The following ZNF529 variants were observed in gnomAD, a reference collection of about 807,000 sequenced individuals.
ZNF529 encodes the protein zinc finger protein 529.
In ZNF529, 11 loss-of-function variants were observed where a neutral mutation model predicts 10.1. That is an observed-to-expected ratio of 1.09 (90% CI 0.69 to 1.81). The LOEUF (loss-of-function observed/expected upper bound fraction) is 1.81, where lower values mean the gene tolerates loss of function less well. Among genes scored for constraint, ZNF529 ranks in the 40% most tolerant of loss-of-function variants. ZNF529 has a pLI of 0.00. For synonymous variants in ZNF529, 204 were observed against 215.7 expected, an observed-to-expected ratio of 0.95 and a Z score of 0.47; for missense variants, 624 against 666.8, an observed-to-expected ratio of 0.94 and a Z score of 0.71.
At chr19:36,564,485 A>G (rs539348429) in intron 2 of ZNF529, among the ~76,000 whole-genome samples, 1 of 152,338 alleles carries the variant, frequency 6.6e-6, no homozygotes, top group South Asian at 2.1e-4. Context: ...CAACAAACAT[A>G]CTTTTTTAAA....
rs140588785 is a variant in ZNF529 at position 36,544,249 on chromosome 19, C to T, written c.*2617G>A. 144 of 152,034 alleles carry T rather than the reference C, an allele frequency of 9.5e-4. No individual in the cohort carries two copies. Among genetic ancestry groups the T allele is most frequent in the African/African-American group, 3.3e-3 (138 of 41,468 alleles). 9.4% of individuals were successfully genotyped at this position (152,034 alleles called of 1,614,324 possible). ...AGTGTGAAATGCCATAAGTTCATTACGAAGTTAAGTGAAAAATGTTAATAT... is the reference window on the plus strand; with the variant it reads ...AGTGTGAAATGCCATAAGTTCATTATGAAGTTAAGTGAAAAATGTTAATAT... On this transcript the variant is annotated 3_prime_UTR_variant, in exon 5 of 5. Coordinates refer to ENST00000591340, the MANE Select transcript of ZNF529 (RefSeq NM_020951.5).
In ZNF529 at chr19:36,544,696, T is replaced by C. The variant is rs1180697941; in HGVS notation, c.*2170A>G. On this transcript the variant is annotated 3_prime_UTR_variant, in exon 5 of 5. Transcript: ENST00000591340. The stretch of plus-strand genomic sequence containing the variant: ...AAGGTTAACATACTCTTGTTCTTAC[T>C]GTGTAGGACATGAAACAACAACCAA... The C allele has an allele frequency of 6.6e-6, 1 of 152,222 alleles. No homozygotes were observed. The highest frequency in any genetic ancestry group is 1.5e-5 in the Non-Finnish European group (1 of 68,036). The allele number at this position is 152,222 out of a possible 1,614,324, so 9.4% of individuals were successfully genotyped here. A position where few individuals can be genotyped will look rare whatever the true frequency, so the allele number is the denominator to read the frequency against.
chr19:36,572,522 T>G, intron 1 of ZNF529, 130 bp from the exon 2 acceptor site: 1 of 681,430 alleles, frequency 1.5e-6, no homozygotes, highest in South Asian at 2.0e-5. Flanking sequence ...ACTAGAATAC[T>G]GTCGACTCCT....
In ZNF529 at chr19:36,555,459, A is replaced by G. The variant is rs1293850570; in HGVS notation, c.108+645T>C. Among the ~76,000 whole-genome samples, 2 of 82,138 alleles carry G rather than the reference A, an allele frequency of 2.4e-5. 1 individual carries two copies. Among genetic ancestry groups the G allele is most frequent in the East Asian group, 5.5e-4 (2 of 3,626 alleles). 53.9% of individuals were successfully genotyped at this position (82,138 alleles called of 152,430 possible). On this transcript the variant is annotated intron_variant, in intron 3 of 4. Transcript: ENST00000591340. ...CAGGCGCCCGCCACCGCGCCCGGCT[A>G]ATTTTTTGTATTTTTTTTAGTAGAG...
intron 2 of ZNF529, among the ~76,000 whole-genome samples, chr19:36,564,512 TC>T (rs1455681328): frequency 6.6e-6 from 1 of 152,156 alleles, no homozygotes; most frequent in Non-Finnish European, 1.5e-5. Context: ...ACACCACTAA[TC>T]ATCAGAGAAA....
At chr19:36,552,556 G>A (rs1173991877) in intron 4 of ZNF529, among the ~76,000 whole-genome samples, 2 of 152,184 alleles carry the variant, frequency 1.3e-5, no homozygotes, top group Non-Finnish European at 2.9e-5. Context: ...TAGGCTTTGT[G>A]CTTTGGCAAT....
At chr19:36,562,780 T>A (rs958514242) in intron 2 of ZNF529, among the ~76,000 whole-genome samples, 3 of 146,458 alleles carry the variant, frequency 2.0e-5, no homozygotes, top group African/African-American at 7.7e-5. Flanking sequence ...GAGCTTGCAG[T>A]GAGCTGAGAT....
chr19:36,592,470 T>C (rs977943888), intron 1 of ZNF529, among the ~76,000 whole-genome samples: 1 of 151,224 alleles, frequency 6.6e-6, no homozygotes, highest in African/African-American at 2.4e-5. Context: ...GACACGTGCC[T>C]GTAGTCACAG....
intron 2 of ZNF529, among the ~76,000 whole-genome samples, chr19:36,558,936 CAAA>C (rs60265238): frequency 1.4e-5 from 2 of 146,784 alleles, no homozygotes; most frequent in East Asian, 2.0e-4. Flanking sequence ...AACTCAATAG[CAAA>C]AAAAAAAATC....
chr19:36,585,417 A>G (rs2036559482), intron 2 of ZNF529, among the ~76,000 whole-genome samples: 1 of 152,166 alleles, frequency 6.6e-6, no homozygotes, highest in Non-Finnish European at 1.5e-5. Context: ...TCTAGCTACA[A>G]TCCCCACCTG....
chr19:36,561,611 T>C (rs945705331), intron 2 of ZNF529, among the ~76,000 whole-genome samples: 4 of 152,248 alleles, frequency 2.6e-5, no homozygotes, highest in Non-Finnish European at 1.5e-5. Flanking sequence ...CCCTAGGGCA[T>C]TGTCCAGTGG....
At position 36,544,827 on chromosome 19, in the gene ZNF529, T is replaced by C. The variant is rs538312054; in HGVS notation, c.*2039A>G. The C allele has an allele frequency of 5.3e-5, 8 of 152,362 alleles. No individual in the cohort carries two copies. Among genetic ancestry groups the C allele is most frequent in the African/African-American group, 1.4e-4 (6 of 41,588 alleles). 9.4% of individuals were successfully genotyped at this position (152,362 alleles called of 1,614,324 possible). ...ATACTGGTAATCATTCACACCGTTA[T>C]AGAGTACATAAATTCTGGGAAAGAC... On this transcript the variant is annotated 3_prime_UTR_variant, in exon 5 of 5. Coordinates refer to ENST00000591340, the MANE Select transcript of ZNF529 (RefSeq NM_020951.5).
intron 1 of ZNF529, among the ~76,000 whole-genome samples, chr19:36,595,620 C>G (rs2036823269): frequency 6.9e-6 from 1 of 144,074 alleles, no homozygotes; most frequent in African/African-American, 2.7e-5. Context: ...ACACCTGAGC[C>G]CAGGAGTTTG....
chr19:36,545,525 T>TAA lies in ZNF529; in HGVS notation c.*1339_*1340dup, dbSNP rs146067966. ...TAGGCAACAAGAGCAAAACTCTGTCTAAAAAAAAAGAAAAAAAATCCAATA... is the reference window on the plus strand; with the variant it reads ...TAGGCAACAAGAGCAAAACTCTGTCTAAAAAAAAAAAGAAAAAAAATCCAATA... On this transcript the variant is annotated 3_prime_UTR_variant, in exon 5 of 5. Coordinates refer to ENST00000591340, the MANE Select transcript of ZNF529 (RefSeq NM_020951.5). 4.7e-5 allele frequency: 7 copies of TAA among 150,124 alleles called. No individual in the cohort carries two copies. The highest frequency in any genetic ancestry group is 2.1e-4 in the South Asian group (1 of 4,744). The allele number at this position is 150,124 out of a possible 1,614,324, so 9.3% of individuals were successfully genotyped here. A position where few individuals can be genotyped will look rare whatever the true frequency, so the allele number is the denominator to read the frequency against.
chr19:36,577,960 A>G (rs963939618), upstream of ZNF529: 1 of 151,388 alleles, frequency 6.6e-6, no homozygotes, highest in African/African-American at 2.4e-5. Flanking sequence ...TCTCTTGTCC[A>G]TTCCTCCCTT....
At chr19:36,566,316 A>G (rs992989016) in intron 2 of ZNF529, among the ~76,000 whole-genome samples, 3 of 152,218 alleles carry the variant, frequency 2.0e-5, no homozygotes, top group Non-Finnish European at 2.9e-5. Context: ...TCTTCAGAAC[A>G]CATGCTAAGA....
chr19:36,585,794 T>A (rs112583092), intron 2 of ZNF529, among the ~76,000 whole-genome samples: 17 of 152,336 alleles, frequency 1.1e-4, no homozygotes, highest in African/African-American at 4.1e-4. Context: ...ATGAGGGGAC[T>A]CTGGTTTCTG....
intron 2 of ZNF529, among the ~76,000 whole-genome samples, chr19:36,566,467 C>T (rs920591594): frequency 2.0e-5 from 3 of 152,190 alleles, no homozygotes; most frequent in East Asian, 1.9e-4. Context: ...GCAGGCAGAT[C>T]GCTTGAGCCC....
At chr19:36,557,164 G>A (rs2035508658) in intron 2 of ZNF529, among the ~76,000 whole-genome samples, 1 of 152,122 alleles carries the variant, frequency 6.6e-6, no homozygotes, top group South Asian at 2.1e-4. Context: ...ACAGCTGGGG[G>A]TGGTCAGGGA....
Sources: gnomAD v4.1 joint callset for allele counts (sites outside exome capture counted in the v4.1 genomes callset) on GRCh38, gnomAD v4.1.1 for gene constraint, MANE v1.5 for transcripts, NCBI Gene and HGNC (gene_info 2026-07-23, HGNC 2026-07-21) for gene names.